Variants in WDFY3 observed in about 807,000 individuals in gnomAD.
WDFY3 encodes the protein WD repeat and FYVE domain containing 3, also known as WD repeat and FYVE domain-containing protein 3.
Under a neutral mutation model 409.6 loss-of-function variants are expected in WDFY3, and 66 were observed. The observed-to-expected ratio is 0.16, with a 90% CI of 0.13 to 0.20. The LOEUF (loss-of-function observed/expected upper bound fraction) is 0.20, where lower values mean the gene tolerates loss of function less well. Among genes scored for constraint, WDFY3 ranks in the 10% least tolerant of loss-of-function variants. The pLI is 1.00. For synonymous variants in WDFY3, 1,521 were observed against 1,537.1 expected (o/e 0.99, Z 0.25); for missense variants, 3,031 against 4,298.1 (o/e 0.71, Z 8.24).
At chr4:84,856,759 A>G (rs1301718930) in intron 4 of WDFY3, among the ~76,000 whole-genome samples, 1 of 152,204 alleles carries the variant, frequency 6.6e-6, no homozygotes, top group Non-Finnish European at 1.5e-5. Context: ...CATGTCTAAC[A>G]GCTTGTTCAC....
intron 2 of WDFY3, among the ~76,000 whole-genome samples, chr4:84,923,963 T>G (rs17009341): frequency 0.41 from 61,941 of 152,006 alleles, 13,184 homozygotes; most frequent in African/African-American, 0.52. Context: ...TTGTGAGTTA[T>G]ATATTATTTT....
At chr4:84,849,481 A>T (rs1758572425) in intron 5 of WDFY3, among the ~76,000 whole-genome samples, 1 of 151,990 alleles carries the variant, frequency 6.6e-6, no homozygotes, top group South Asian at 2.1e-4. Flanking sequence ...AAATGATTAA[A>T]ATAAGAGTAT....
Position 84,888,485 on chromosome 4 carries a change from T to C in WDFY3, c.-32+8426A>G, listed in dbSNP as rs145435755. ...AACTCCAATATCAAGAGTACTTAAC[T>C]ATTAACCTTATTCTTCTGTGAATAA... On this transcript the variant is annotated intron_variant, in intron 3 of 67. Transcript: ENST00000295888. Among the ~76,000 whole-genome samples, 1,331 of 152,348 alleles carry C rather than the reference T, an allele frequency of 8.7e-3. 8 individuals are homozygous for C. Among genetic ancestry groups the C allele is most frequent in the Non-Finnish European group, 0.013 (856 of 68,032 alleles).
intron 1 of WDFY3, among the ~76,000 whole-genome samples, chr4:84,951,789 G>A (rs1348773833): frequency 6.6e-6 from 1 of 152,288 alleles, no homozygotes; most frequent in South Asian, 2.1e-4. Context: ...GATGACATCA[G>A]GATAGGCAAA....
At chr4:84,756,793 T>C (rs1741542363) in intron 33 of WDFY3, 133 bp downstream of exon 33, 2 of 1,102,982 alleles carry the variant, frequency 1.8e-6, no homozygotes, top group South Asian at 3.4e-5. Context: ...TTCAGATTTT[T>C]CTGTCCCAAA....
intron 54 of WDFY3, 149 bp downstream of exon 54, chr4:84,705,245 T>C (rs1731733547): frequency 1.6e-6 from 1 of 615,350 alleles, no homozygotes. Context: ...TCCTCTGCTA[T>C]AATAATCTGC....
chr4:84,956,035 A>C (rs2151161074), intron 1 of WDFY3, among the ~76,000 whole-genome samples: 1 of 152,344 alleles, frequency 6.6e-6, no homozygotes, highest in Non-Finnish European at 1.5e-5. Context: ...TTTTTCATAG[A>C]CCAAATAACA....
intron 2 of WDFY3, among the ~76,000 whole-genome samples, chr4:84,903,596 A>G (rs1204113688): frequency 6.6e-6 from 1 of 152,128 alleles, no homozygotes; most frequent in East Asian, 1.9e-4. Context: ...CTGGGGTTAC[A>G]GGTGTGAGCC....
chr4:84,814,344 A>G (rs1332967907), intron 13 of WDFY3, among the ~76,000 whole-genome samples: 1 of 152,084 alleles, frequency 6.6e-6, no homozygotes, highest in African/African-American at 2.4e-5. Context: ...TTATGTCATC[A>G]TTTCTCTAAA....
chr4:84,957,072 T>C (rs1774325593), intron 1 of WDFY3, among the ~76,000 whole-genome samples: 1 of 151,592 alleles, frequency 6.6e-6, no homozygotes, highest in South Asian at 2.1e-4. Flanking sequence ...TGTGCTTATT[T>C]AATAGTGAGA....
intron 58 of WDFY3, among the ~76,000 whole-genome samples, chr4:84,695,672 C>T (rs1198182193): frequency 2.0e-5 from 3 of 152,076 alleles, no homozygotes; most frequent in Non-Finnish European, 1.5e-5. Context: ...CCAGACAAAA[C>T]CTTGTCTCTG....
intron 2 of WDFY3, among the ~76,000 whole-genome samples, chr4:84,929,491 G>A (rs923120336): frequency 1.6e-4 from 24 of 149,512 alleles, no homozygotes; most frequent in Non-Finnish European, 3.0e-4. Flanking sequence ...AAATTCATAC[G>A]TTGAAATCCA....
intron 3 of WDFY3, among the ~76,000 whole-genome samples, chr4:84,870,058 C>T (rs1201411573): frequency 2.0e-5 from 3 of 152,026 alleles, no homozygotes; most frequent in African/African-American, 2.4e-5. Flanking sequence ...TGTGAATTAC[C>T]GCATTATGTT....
At chr4:84,876,884 G>A (rs955259486) in intron 3 of WDFY3, among the ~76,000 whole-genome samples, 8 of 152,050 alleles carry the variant, frequency 5.3e-5, no homozygotes, top group African/African-American at 9.7e-5. Context: ...GACATCTTAC[G>A]TATCTCCTGA....
At chr4:84,952,517 T>G (rs1561150789) in intron 1 of WDFY3, among the ~76,000 whole-genome samples, 1 of 152,116 alleles carries the variant, frequency 6.6e-6, no homozygotes. Flanking sequence ...AACTTTTATT[T>G]TCTCTGTCTT....
At chr4:84,768,780 T>C (rs1744127992) in intron 30 of WDFY3, among the ~76,000 whole-genome samples, 1 of 152,196 alleles carries the variant, frequency 6.6e-6, no homozygotes, top group South Asian at 2.1e-4. Flanking sequence ...TTGAATTAAC[T>C]TCAAAGTTTT....
intron 54 of WDFY3, among the ~76,000 whole-genome samples, chr4:84,704,742 C>A (rs1036117098): frequency 4.6e-5 from 7 of 152,172 alleles, no homozygotes; most frequent in Non-Finnish European, 1.0e-4. Context: ...CCATCTTCCA[C>A]TAAAGCAGGA....
chr4:84,749,920 C>A (rs1234952039), intron 36 of WDFY3, among the ~76,000 whole-genome samples: 1 of 152,094 alleles, frequency 6.6e-6, no homozygotes, highest in Non-Finnish European at 1.5e-5. Context: ...TCAAATTCTT[C>A]CTACTAAAAA....
At chr4:84,836,863 C>T in intron 7 of WDFY3, 66 bp downstream of exon 7, 1 of 1,284,746 alleles carries the variant, frequency 7.8e-7, no homozygotes, top group Non-Finnish European at 1.0e-6. Context: ...TGTAAAACAT[C>T]TATTTAGGAA....
Sources: gnomAD v4.1 joint callset for allele counts (sites outside exome capture counted in the v4.1 genomes callset) on GRCh38, gnomAD v4.1.1 for gene constraint, MANE v1.5 for transcripts, NCBI Gene and HGNC (gene_info 2026-07-23, HGNC 2026-07-21) for gene names.